FOXK2: variants seen among roughly 807,000 people sequenced by gnomAD.
FOXK2 encodes the protein forkhead box K2.
A neutral mutation model predicts 53.3 loss-of-function variants in FOXK2; 24 were observed. The ratio of observed to expected loss-of-function variants is 0.45; its 90% CI spans 0.33 to 0.63. FOXK2 has a LOEUF of 0.63. FOXK2 is among the 30% of genes least tolerant of loss of function. The probability of loss-of-function intolerance (pLI) is 0.03; values close to 1 mark genes in which losing one functional copy is unlikely to be tolerated. For synonymous variants in FOXK2, 505 were observed against 407.1 expected (o/e 1.24, Z -2.89); for missense variants, 952 against 910.5 (o/e 1.05, Z -0.59).
At chr17:82,599,513 G>T (rs1256862087) in intron 8 of FOXK2, 3 of 152,324 alleles carry the variant, frequency 2.0e-5, no homozygotes, top group Non-Finnish European at 4.4e-5. Context: ...GTTGACAGGG[G>T]TTTGGCTTCC....
At chr17:82,577,306 G>A (rs184380863) in intron 4 of FOXK2, 4 of 1,060,232 alleles carry the variant, frequency 3.8e-6, no homozygotes, top group East Asian at 4.9e-5. Flanking sequence ...CCATGATAAC[G>A]TTCTCTAAAT....
Position 82,587,132 on chromosome 17 carries a change from C to T in FOXK2, c.1646C>T (p.Ala549Val), listed in dbSNP as rs750023886. 3.1e-6 allele frequency: 5 copies of T among 1,613,150 alleles called. No individual in the cohort carries two copies. Among genetic ancestry groups the T allele is most frequent in the Non-Finnish European group, 4.2e-6 (5 of 1,180,036 alleles). ...ACTGCCAGCCGGATCATTCAGACGG[C>T]ACAGACCACCCCGGTCCAGACGGTG... ...LGTASRIIQTAQTTPVQTVTI... is the reference protein window; with the variant it reads ...LGTASRIIQTVQTTPVQTVTI... Residue 549 changes from alanine to valine, a missense_variant, in exon 8 of 9, where the codon GCA becomes GTA. Physicochemically the swap from Ala to Val is moderately conservative, Grantham distance 64. Transcript: ENST00000335255.
intron 7 of FOXK2, 31 bp from the exon 8 acceptor site, chr17:82,587,032 A>G (rs199553249): frequency 1.2e-6 from 2 of 1,600,314 alleles, no homozygotes; most frequent in African/African-American, 2.7e-5. Context: ...TTCCAGTAAT[A>G]TTAATGTCGT....
At chr17:82,522,483 C>T (rs1199381614) in intron 1 of FOXK2, among the ~76,000 whole-genome samples, 2 of 151,602 alleles carry the variant, frequency 1.3e-5, no homozygotes, top group Non-Finnish European at 2.9e-5. Context: ...ATTCTCCTGC[C>T]TCAGCCTCCC....
At chr17:82,591,238 C>T (rs1365062640) in intron 8 of FOXK2, among the ~76,000 whole-genome samples, 1 of 152,124 alleles carries the variant, frequency 6.6e-6, no homozygotes, top group East Asian at 1.9e-4. Flanking sequence ...GTTGTCGCTC[C>T]AGCTGGAGTG....
At chr17:82,549,809 G>T (rs994944577) in intron 1 of FOXK2, among the ~76,000 whole-genome samples, 2 of 152,228 alleles carry the variant, frequency 1.3e-5, no homozygotes, top group Non-Finnish European at 2.9e-5. Context: ...TCTGCCTGAG[G>T]ACATCCGCCA....
chr17:82,547,133 G>T, intron 1 of FOXK2, among the ~76,000 whole-genome samples: 1 of 151,378 alleles, frequency 6.6e-6, no homozygotes, highest in East Asian at 1.9e-4. Context: ...CTCTCTTATA[G>T]TGTATACTGT....
At chr17:82,548,259 AC>A (rs1233711351) in intron 1 of FOXK2, among the ~76,000 whole-genome samples, 1 of 152,172 alleles carries the variant, frequency 6.6e-6, no homozygotes, top group East Asian at 1.9e-4. Context: ...GCAGTATGTG[AC>A]AGCTAGTTGC....
intron 1 of FOXK2, among the ~76,000 whole-genome samples, chr17:82,539,519 C>A (rs1465044446): frequency 6.6e-6 from 1 of 151,986 alleles, no homozygotes; most frequent in African/African-American, 2.4e-5. Context: ...TATGGTGGCA[C>A]ATGCCTGTGA....
chr17:82,526,227 A>C (rs2144041922), intron 1 of FOXK2, among the ~76,000 whole-genome samples: 1 of 152,340 alleles, frequency 6.6e-6, no homozygotes, highest in East Asian at 1.9e-4. Context: ...CTCAGAATGC[A>C]GATGGGCAGA....
In FOXK2 at chr17:82,587,118, G is replaced by T; in HGVS notation, c.1632G>T (p.Arg544=). The T allele has an allele frequency of 6.2e-7, 1 of 1,613,080 alleles. No homozygotes were observed. Among genetic ancestry groups the T allele is most frequent in the Non-Finnish European group, 8.5e-7 (1 of 1,180,014 alleles). Residue 544 remains arginine, a synonymous_variant, in exon 8 of 9, where the codon CGG becomes CGT. Coordinates refer to ENST00000335255, the MANE Select transcript of FOXK2 (RefSeq NM_004514.4). ...ACGCCACGCTCGGCACTGCCAGCCG[G>T]ATCATTCAGACGGCACAGACCACCC... is the stretch of plus-strand genomic sequence containing the variant. The part of the protein sequence containing the change: ...IGHATLGTAS[R]IIQTAQTTPV...
chr17:82,538,274 G>A (rs1275388502), intron 1 of FOXK2, among the ~76,000 whole-genome samples: 2 of 152,196 alleles, frequency 1.3e-5, no homozygotes, highest in Middle Eastern at 3.4e-3. Flanking sequence ...GATTGCTGGA[G>A]GCCAGGAGTT....
chr17:82,573,887 G>A (rs1417714889), intron 4 of FOXK2, among the ~76,000 whole-genome samples: 2 of 152,244 alleles, frequency 1.3e-5, no homozygotes, highest in African/African-American at 2.4e-5. Context: ...AGGCTTTCTT[G>A]CTAAAGAGGG....
At chr17:82,554,738 G>GT (rs78786521) in intron 1 of FOXK2, among the ~76,000 whole-genome samples, 79,440 of 144,996 alleles carry the variant, frequency 0.55, 22,019 homozygotes, top group South Asian at 0.77. Context: ...ATCCAGTGAG[G>GT]TTTTTTTTTT....
chr17:82,520,842 A>G (rs542106839), intron 1 of FOXK2, among the ~76,000 whole-genome samples: 2 of 152,298 alleles, frequency 1.3e-5, no homozygotes, highest in East Asian at 1.9e-4. Flanking sequence ...TGTTTTCAGT[A>G]GGCCAAATTG....
intron 6 of FOXK2, 109 bp downstream of exon 6, chr17:82,584,297 T>A (rs948928757): frequency 8.2e-5 from 93 of 1,134,454 alleles, no homozygotes; most frequent in Non-Finnish European, 1.1e-4. Context: ...TGTCCCTCTG[T>A]ACCTTATACT....
At chr17:82,554,293 A>G (rs182281435) in intron 1 of FOXK2, among the ~76,000 whole-genome samples, 76 of 152,318 alleles carry the variant, frequency 5.0e-4, no homozygotes, top group African/African-American at 1.7e-3. Context: ...ATGTTGGTTA[A>G]TACTGAAGTC....
At chr17:82,554,407 G>A (rs2044704109) in intron 1 of FOXK2, among the ~76,000 whole-genome samples, 1 of 152,128 alleles carries the variant, frequency 6.6e-6, no homozygotes, top group African/African-American at 2.4e-5. Flanking sequence ...TGGCCTGCAC[G>A]TTGCATTTGT....
chr17:82,538,555 C>A (rs2044543253), intron 1 of FOXK2, among the ~76,000 whole-genome samples: 1 of 152,240 alleles, frequency 6.6e-6, no homozygotes, highest in Non-Finnish European at 1.5e-5. Flanking sequence ...TTCGTTGTTG[C>A]AGACAGAAGA....
Sources: gnomAD v4.1 joint callset for allele counts (sites outside exome capture counted in the v4.1 genomes callset) on GRCh38, gnomAD v4.1.1 for gene constraint, MANE v1.5 for transcripts, NCBI Gene and HGNC (gene_info 2026-07-23, HGNC 2026-07-21) for gene names.